Variants in TRAPPC11 observed in about 807,000 individuals in gnomAD.
The protein encoded by TRAPPC11 is foie gras homolog.
In TRAPPC11, 104 loss-of-function variants were observed where a neutral mutation model predicts 151.2. The observed-to-expected ratio is 0.69, with a 90% confidence interval of 0.59 to 0.81. TRAPPC11 has a LOEUF of 0.81. Among genes scored for constraint, TRAPPC11 ranks in the 30% least tolerant of loss-of-function variants. The pLI is 0.00. For synonymous variants in TRAPPC11, 456 were observed against 472.3 expected, an observed-to-expected ratio of 0.97 and a Z score of 0.45; for missense variants, 1,230 against 1,349.6, an observed-to-expected ratio of 0.91 and a Z score of 1.39.
At chr4:183,664,565 G>A (rs758880481) in intron 2 of TRAPPC11, among the ~76,000 whole-genome samples, 4 of 151,986 alleles carry the variant, frequency 2.6e-5, no homozygotes, top group Non-Finnish European at 5.9e-5. Flanking sequence ...TATTCATTGC[G>A]GAATGAAGAA....
rs1460742474 is a variant in TRAPPC11, at chr4:183,693,068, G to C, written c.2158G>C (p.Ala720Pro). ...AASSQEALQA[A>P]RSFKRRPKLP... ...TTCCTCCCAAGAAGCCTTACAGGCA[G>C]CTCGGTCTTTCAAAAGGCGACCTAA... The change falls in exon 20 of 30, where the codon GCT becomes CCT. Residue 720 changes from alanine to proline, a missense_variant. Transcript: ENST00000334690. 1 of 1,613,500 alleles carries C rather than the reference G, an allele frequency of 6.2e-7. No homozygotes were observed. The highest frequency in any genetic ancestry group is 1.1e-5 in the South Asian group (1 of 90,936).
At chr4:183,681,380 A>C (rs1026278781) in intron 10 of TRAPPC11, among the ~76,000 whole-genome samples, 6 of 152,136 alleles carry the variant, frequency 3.9e-5, no homozygotes, top group Non-Finnish European at 5.9e-5. Flanking sequence ...TTATATTTCT[A>C]AAGTTTGGCA....
At position 183,686,512 on chromosome 4, in the gene TRAPPC11, G is replaced by A. The variant is rs1469323441; in HGVS notation, c.1763-106G>A. 4.0e-6 allele frequency: 5 copies of A among 1,251,170 alleles called. No homozygotes were observed. In the Admixed American group the frequency reaches 6.7e-5, roughly 17 times the overall value. The allele number at this position is 1,251,170 out of a possible 1,614,324, so 77.5% of individuals were successfully genotyped here. A position where few individuals can be genotyped will look rare whatever the true frequency, so the allele number is the denominator to read the frequency against. On this transcript the variant is annotated intron_variant, in intron 17 of 29. Transcript: ENST00000334690. The stretch of plus-strand genomic sequence containing the variant: ...CTTAAGTGCAGAAGTCAGTAAGAAT[G>A]GTCAGTGCAGATGTGTCTTTCTGAA...
chr4:183,699,366 AC>A (rs1442570575), intron 25 of TRAPPC11, among the ~76,000 whole-genome samples: 1 of 152,070 alleles, frequency 6.6e-6, no homozygotes, highest in Non-Finnish European at 1.5e-5. Flanking sequence ...GGTGTTTTGT[AC>A]ACACCTACAT....
rs1275063563 is a variant in TRAPPC11 at position 183,663,845 on chromosome 4, AG to A, written c.-21del. On this transcript the variant is annotated splice_acceptor_variant, in intron 1 of 29. Coordinates refer to ENST00000334690, the MANE Select transcript of TRAPPC11 (RefSeq NM_021942.6). LOFTEE classifies it low-confidence loss of function (5UTR_SPLICE). ...ATGAATGTATTAACATTTGTATTTCAGGTTTTTTGTGACATCGTAAACATGA... is the reference window on the plus strand; with the variant it reads ...ATGAATGTATTAACATTTGTATTTCAGTTTTTTGTGACATCGTAAACATGA... The A allele has an allele frequency of 6.4e-7, 1 of 1,573,404 alleles. No individual in the cohort carries two copies. The highest frequency in any genetic ancestry group is 1.7e-5 in the Admixed American group (1 of 58,272).
Position 183,708,590 on chromosome 4 carries a change from T to C in TRAPPC11, c.3357+16T>C. 6 of 1,607,220 alleles carry C rather than the reference T, an allele frequency of 3.7e-6. No individual in the cohort carries two copies. The highest frequency in any genetic ancestry group is 2.2e-5 in the East Asian group (1 of 44,808). ...TTTTGTCAAGGTAAAGCTTAGCAAT[T>C]TTCTGCTTTTTAAATTCAAAGTCTT... is the stretch of plus-strand genomic sequence containing the variant. On this transcript the variant is annotated intron_variant, in intron 29 of 29. Transcript: ENST00000334690.
chr4:183,673,809 C>T (rs1033580171), intron 5 of TRAPPC11, among the ~76,000 whole-genome samples: 6 of 152,152 alleles, frequency 3.9e-5, no homozygotes, highest in African/African-American at 9.7e-5. Context: ...CTTTCTTTCA[C>T]GCCCTAGGCA....
Position 183,682,691 on chromosome 4 carries a change from G to A in TRAPPC11, c.1114-41G>A, listed in dbSNP as rs749173917. The A allele has an allele frequency of 2.8e-6, 4 of 1,432,968 alleles. No individual in the cohort carries two copies. In the African/African-American group the frequency reaches 4.3e-5, roughly 15 times the overall value. The allele number at this position is 1,432,968 out of a possible 1,614,324, so 88.8% of individuals were successfully genotyped here. On this transcript the variant is annotated intron_variant, in intron 10 of 29. Coordinates refer to ENST00000334690, the MANE Select transcript of TRAPPC11 (RefSeq NM_021942.6). Reference sequence around the variant, plus strand: ...TTGGGCAAGAGTTGATTTGCGATGAGTTCCATAAACTATTATTTAGGTTTG... The same window carrying A: ...TTGGGCAAGAGTTGATTTGCGATGAATTCCATAAACTATTATTTAGGTTTG...
At chr4:183,661,020 C>G (rs1449721963) in intron 1 of TRAPPC11, among the ~76,000 whole-genome samples, 1 of 151,754 alleles carries the variant, frequency 6.6e-6, no homozygotes, top group Non-Finnish European at 1.5e-5. Flanking sequence ...CCTGGTCACC[C>G]CTTTTTAATT....
chr4:183,695,750 C>T (rs1469209002), intron 23 of TRAPPC11, among the ~76,000 whole-genome samples: 2 of 151,950 alleles, frequency 1.3e-5, no homozygotes, highest in African/African-American at 4.8e-5. Context: ...GGGCTGTGGG[C>T]TATTTACTAG....
At chr4:183,673,010 T>G (rs1735229993) in intron 5 of TRAPPC11, among the ~76,000 whole-genome samples, 1 of 149,670 alleles carries the variant, frequency 6.7e-6, no homozygotes, top group Non-Finnish European at 1.5e-5. Flanking sequence ...TTGCCCAGGC[T>G]GGAGTACAGT....
At chr4:183,662,354 CAAAAA>C (rs202105209) in intron 1 of TRAPPC11, among the ~76,000 whole-genome samples, 8 of 110,270 alleles carry the variant, frequency 7.3e-5, no homozygotes, top group Non-Finnish European at 9.1e-5. Context: ...TACTCCGTCT[CAAAAA>C]AAAAAAAAAA....
At position 183,675,698 on chromosome 4, in the gene TRAPPC11, T is replaced by C. The variant is rs1735375984; in HGVS notation, c.734+461T>C. On this transcript the variant is annotated intron_variant, in intron 7 of 29. Transcript: ENST00000334690. ...CGTGTTGCTCCAATTTTAGCATATA[T>C]GCTGCTGAAGTGAGCACCAGACTAT... The C allele has an allele frequency of 2.6e-5, 4 of 152,382 alleles. No individual in the cohort carries two copies. In the South Asian group the frequency reaches 6.2e-4, roughly 24 times the overall value. The allele number at this position is 152,382 out of a possible 1,614,324, so 9.4% of individuals were successfully genotyped here.
At chr4:183,711,962 AT>A (rs111554985) in intron 29 of TRAPPC11, among the ~76,000 whole-genome samples, 40,190 of 152,128 alleles carry the variant, frequency 0.26, 5,738 homozygotes, top group African/African-American at 0.38. Flanking sequence ...CCTTTTATTC[AT>A]TCTTAGTCTT....
chr4:183,702,098 C>A (rs1156955633), intron 26 of TRAPPC11, among the ~76,000 whole-genome samples: 4 of 152,180 alleles, frequency 2.6e-5, no homozygotes, highest in Non-Finnish European at 5.9e-5. Flanking sequence ...AATCCCAGCA[C>A]TTTCGTAGAC....
intron 29 of TRAPPC11, among the ~76,000 whole-genome samples, chr4:183,710,895 G>A (rs1471502096): frequency 2.6e-5 from 4 of 150,984 alleles, no homozygotes; most frequent in African/African-American, 4.9e-5. Context: ...CGGGTGTGGT[G>A]TGGTGGGCGC....
In TRAPPC11 at chr4:183,674,799, AAAC is replaced by A; in HGVS notation, c.652_654del (p.Thr218del). Reference sequence around the variant, plus strand: ...AAATCTCATAAAGAATTTTTGAATAAAACAACACACCAGGTGCGTGATTTTTTG... The same window carrying A: ...AAATCTCATAAAGAATTTTTGAATAAAACACACCAGGTGCGTGATTTTTTG... On this transcript the variant is annotated inframe_deletion, in exon 6 of 30. Transcript: ENST00000334690. The A allele has an allele frequency of 6.3e-7, 1 of 1,589,278 alleles. No individual in the cohort carries two copies. Among genetic ancestry groups the A allele is most frequent in the South Asian group, 1.1e-5 (1 of 87,066 alleles).
At chr4:183,690,779 G>A (rs1351346992) in intron 18 of TRAPPC11, among the ~76,000 whole-genome samples, 3 of 152,096 alleles carry the variant, frequency 2.0e-5, no homozygotes, top group African/African-American at 7.2e-5. Flanking sequence ...ACCAGCTTGG[G>A]CAACGTAGTG....
At chr4:183,686,085 G>A (rs1579193089) in intron 17 of TRAPPC11, among the ~76,000 whole-genome samples, 1 of 152,096 alleles carries the variant, frequency 6.6e-6, no homozygotes, top group Non-Finnish European at 1.5e-5. Context: ...TGATGCACCC[G>A]CCTGAGCCTC....
Sources: gnomAD v4.1 joint callset for allele counts (sites outside exome capture counted in the v4.1 genomes callset) on GRCh38, gnomAD v4.1.1 for gene constraint, MANE v1.5 for transcripts, NCBI Gene and HGNC (gene_info 2026-07-23, HGNC 2026-07-21) for gene names.